The following SLC24A2 variants were observed in gnomAD, a reference collection of about 807,000 sequenced individuals.
SLC24A2 encodes the protein sodium/potassium/calcium exchanger 2.
Under a neutral mutation model 62.0 loss-of-function variants are expected in SLC24A2, and 36 were observed. That is an observed-to-expected ratio of 0.58 (90% CI 0.44 to 0.77). SLC24A2 has a LOEUF of 0.77. Among genes scored for constraint, SLC24A2 ranks in the 30% least tolerant of loss-of-function variants. The pLI is 0.00. For synonymous variants in SLC24A2, 358 were observed against 294.0 expected, an observed-to-expected ratio of 1.22 and a Z score of -2.23; for missense variants, 846 against 817.9, an observed-to-expected ratio of 1.03 and a Z score of -0.42.
intron 2 of SLC24A2, among the ~76,000 whole-genome samples, chr9:19,707,706 C>A (rs996515901): frequency 5.9e-5 from 9 of 152,044 alleles, no homozygotes; most frequent in Admixed American, 3.9e-4. Context: ...ATTCAACAAC[C>A]CTTCATGCTT....
chr9:20,160,737 T>C, the SLC24A2 span, among the ~76,000 whole-genome samples: 1 of 151,058 alleles, frequency 6.6e-6, no homozygotes, highest in African/African-American at 2.4e-5. Context: ...CGTATTAGAA[T>C]CTATGGGATA....
the SLC24A2 span, among the ~76,000 whole-genome samples, chr9:20,019,155 A>AAGAAAGAGAGAGAG: frequency 3.2e-4 from 37 of 117,184 alleles, no homozygotes; most frequent in African/African-American, 4.4e-4. Flanking sequence ...GAAAGAAAGA[A>AAGAAAGAGAGAGAG]AGAGAGAGAG....
the SLC24A2 span, among the ~76,000 whole-genome samples, chr9:19,915,537 A>G: frequency 6.6e-6 from 1 of 152,130 alleles, no homozygotes; most frequent in Admixed American, 6.6e-5. Flanking sequence ...ATTTAATAAT[A>G]TATTCCCACC....
the SLC24A2 span, among the ~76,000 whole-genome samples, chr9:19,938,015 A>G: frequency 6.6e-6 from 1 of 152,198 alleles, no homozygotes; most frequent in Non-Finnish European, 1.5e-5. Flanking sequence ...CAGAATAGAA[A>G]TAACAATATT....
At chr9:20,019,543 C>A in the SLC24A2 span, among the ~76,000 whole-genome samples, 1 of 152,110 alleles carries the variant, frequency 6.6e-6, no homozygotes, top group Non-Finnish European at 1.5e-5. Context: ...GACTATATAT[C>A]TGTTTTGGTA....
At chr9:20,103,988 A>G in the SLC24A2 span, among the ~76,000 whole-genome samples, 1 of 152,172 alleles carries the variant, frequency 6.6e-6, no homozygotes, top group East Asian at 1.9e-4. Context: ...AATAACCAAA[A>G]CAGAGAAGTG....
the SLC24A2 span, among the ~76,000 whole-genome samples, chr9:20,048,408 AC>A: frequency 6.6e-6 from 1 of 152,216 alleles, no homozygotes; most frequent in South Asian, 2.1e-4. Flanking sequence ...CAAATCTATT[AC>A]TAGGATATTT....
At chr9:20,021,494 G>A in the SLC24A2 span, among the ~76,000 whole-genome samples, 1 of 151,914 alleles carries the variant, frequency 6.6e-6, no homozygotes, top group South Asian at 2.1e-4. Flanking sequence ...AGCACCAGGA[G>A]AACGAGTTCT....
At chr9:19,983,815 G>C in the SLC24A2 span, among the ~76,000 whole-genome samples, 1 of 152,094 alleles carries the variant, frequency 6.6e-6, no homozygotes, top group African/African-American at 2.4e-5. Flanking sequence ...CTAAGGAGGT[G>C]AAAGACTTGT....
the SLC24A2 span, among the ~76,000 whole-genome samples, chr9:20,111,399 C>G: frequency 6.6e-6 from 1 of 152,130 alleles, no homozygotes; most frequent in South Asian, 2.1e-4. Context: ...AGTGCCCTCT[C>G]CAGGTGTTAT....
At chr9:19,860,036 C>T in the SLC24A2 span, among the ~76,000 whole-genome samples, 2 of 152,078 alleles carry the variant, frequency 1.3e-5, no homozygotes, top group African/African-American at 2.4e-5. Context: ...GACTACAACT[C>T]CTAGGCAGTC....
chr9:19,751,652 T>C (rs1224645083), intron 2 of SLC24A2, among the ~76,000 whole-genome samples: 1 of 152,134 alleles, frequency 6.6e-6, no homozygotes, highest in Non-Finnish European at 1.5e-5. Context: ...GAGAGTTCCA[T>C]AGCTCTGCAG....
the SLC24A2 span, among the ~76,000 whole-genome samples, chr9:19,905,536 G>T: frequency 6.6e-6 from 1 of 151,748 alleles, no homozygotes; most frequent in Non-Finnish European, 1.5e-5. Context: ...AGCCTCCCGA[G>T]TAGCTGGGGT....
chr9:20,096,078 T>C, the SLC24A2 span, among the ~76,000 whole-genome samples: 1 of 142,036 alleles, frequency 7.0e-6, no homozygotes. Context: ...TATCCATCCA[T>C]CCATCCATCC....
At chr9:19,808,757 T>C in the SLC24A2 span, among the ~76,000 whole-genome samples, 1 of 152,186 alleles carries the variant, frequency 6.6e-6, no homozygotes, top group Admixed American at 6.5e-5. This position sits in a 1 kb window ranked among gnomAD's most constrained non-coding sequence, Gnocchi z 4.1. Context: ...AAGTTTTGAT[T>C]TCCCAGTAAT....
chr9:20,046,234 C>A, the SLC24A2 span, among the ~76,000 whole-genome samples: 1 of 152,196 alleles, frequency 6.6e-6, no homozygotes, highest in African/African-American at 2.4e-5. Context: ...CAGCAAATAT[C>A]TCAACACAGA....
At chr9:20,079,007 G>C in the SLC24A2 span, among the ~76,000 whole-genome samples, 1 of 152,164 alleles carries the variant, frequency 6.6e-6, no homozygotes, top group Admixed American at 6.5e-5. Context: ...TAGAACATGT[G>C]AATGTGACCT....
At chr9:19,910,630 G>A in the SLC24A2 span, among the ~76,000 whole-genome samples, 3 of 152,078 alleles carry the variant, frequency 2.0e-5, no homozygotes, top group Non-Finnish European at 4.4e-5. Context: ...GTATGTGTAT[G>A]TACTTAACCC....
chr9:20,301,962 G>A, the SLC24A2 span, among the ~76,000 whole-genome samples: 1 of 151,978 alleles, frequency 6.6e-6, no homozygotes, highest in African/African-American at 2.4e-5. Flanking sequence ...TCACAGTTTT[G>A]CCTTTTCCGG....
Sources: gnomAD v4.1 joint callset for allele counts (sites outside exome capture counted in the v4.1 genomes callset) on GRCh38, gnomAD v4.1.1 for gene constraint, Gnocchi (gnomAD v3.1) non-coding constraint, MANE v1.5 for transcripts, NCBI Gene and HGNC (gene_info 2026-07-23, HGNC 2026-07-21) for gene names.